CHST15: variants seen among roughly 807,000 people sequenced by gnomAD.
CHST15 encodes carbohydrate sulfotransferase 15.
Under a neutral mutation model 53.6 loss-of-function variants are expected in CHST15, and 30 were observed. That is an observed-to-expected ratio of 0.56 (90% CI 0.42 to 0.76). The LOEUF is 0.76. CHST15 is among the 30% of genes least tolerant of loss of function. The probability of loss-of-function intolerance (pLI) is 0.00; values close to 1 mark genes in which losing one functional copy is unlikely to be tolerated. For synonymous variants in CHST15, 296 were observed against 289.8 expected, an observed-to-expected ratio of 1.02 and a Z score of -0.22; for missense variants, 627 against 740.5, an observed-to-expected ratio of 0.85 and a Z score of 1.78.
At chr10:124,066,245 T>G (rs1349886392) in intron 1 of CHST15, among the ~76,000 whole-genome samples, 1 of 152,114 alleles carries the variant, frequency 6.6e-6, no homozygotes, top group African/African-American at 2.4e-5. Context: ...CTAGGAGAGC[T>G]TTGAGCGTCG....
chr10:124,025,940 G>A (rs1173141362), intron 5 of CHST15, among the ~76,000 whole-genome samples: 1 of 152,228 alleles, frequency 6.6e-6, no homozygotes, highest in Middle Eastern at 3.4e-3. Flanking sequence ...CTTGATTTAG[G>A]ACTTCTGGCC....
At chr10:124,021,029 G>T in intron 6 of CHST15, 1 of 1,430,804 alleles carries the variant, frequency 7.0e-7, no homozygotes, top group African/African-American at 1.4e-5. Context: ...GGGAGGAGGG[G>T]GAGGTGGCAG....
intron 1 of CHST15, among the ~76,000 whole-genome samples, chr10:124,068,223 G>A (rs533550589): frequency 6.6e-6 from 1 of 152,272 alleles, no homozygotes; most frequent in South Asian, 2.1e-4. Context: ...GGAGCAGAGT[G>A]GCAGTTACCA....
At chr10:124,080,669 C>T (rs552510312) in intron 1 of CHST15, among the ~76,000 whole-genome samples, 6 of 152,262 alleles carry the variant, frequency 3.9e-5, no homozygotes, top group African/African-American at 1.4e-4. Context: ...CATTGAAGGG[C>T]CAGGCTCCCC....
intron 1 of CHST15, among the ~76,000 whole-genome samples, chr10:124,052,008 C>T (rs1948218051): frequency 6.6e-6 from 1 of 152,110 alleles, no homozygotes; most frequent in African/African-American, 2.4e-5. Flanking sequence ...TTAGGTAGAA[C>T]ATTTACATTT....
At chr10:124,075,409 C>A (rs1054716335) in intron 1 of CHST15, among the ~76,000 whole-genome samples, 5 of 152,180 alleles carry the variant, frequency 3.3e-5, no homozygotes, top group Non-Finnish European at 2.9e-5. Flanking sequence ...AGTGTCACAG[C>A]CTATTCAGGC....
intron 5 of CHST15, among the ~76,000 whole-genome samples, chr10:124,029,641 T>C (rs933364349): frequency 5.3e-5 from 8 of 152,210 alleles, no homozygotes; most frequent in African/African-American, 1.9e-4. Flanking sequence ...CCAGTGACTC[T>C]CATGGCAGAT....
intron 2 of CHST15, among the ~76,000 whole-genome samples, chr10:124,045,130 A>AAAC (rs1564882203): frequency 2.7e-5 from 4 of 149,014 alleles, no homozygotes; most frequent in East Asian, 1.9e-4. Context: ...AAAAAAAAAA[A>AAAC]AAAAAAAAAA....
rs1432560046 is a variant in CHST15 at position 124,007,762 on chromosome 10, C to T, written c.*2387G>A. 18 of 1,230,942 alleles carry T rather than the reference C, an allele frequency of 1.5e-5. No individual in the cohort carries two copies. The highest frequency in any genetic ancestry group is 3.1e-5 in the African/African-American group (2 of 64,386). 76.3% of individuals were successfully genotyped at this position (1,230,942 alleles called of 1,614,324 possible). On this transcript the variant is annotated 3_prime_UTR_variant, in exon 8 of 8. Coordinates refer to ENST00000435907, the MANE Select transcript of CHST15 (RefSeq NM_001270764.2). ...TATTAATAAAAGTACAGCGTAACTG[C>T]GATTCACTTAACATACCTTACAGGA... is the stretch of plus-strand genomic sequence containing the variant.
chr10:124,057,932 G>A (rs535442619), intron 1 of CHST15, among the ~76,000 whole-genome samples: 2 of 151,356 alleles, frequency 1.3e-5, no homozygotes, highest in South Asian at 4.2e-4. Context: ...GAAGGGGCAG[G>A]GTGGACCAGA....
At chr10:124,086,189 T>C (rs1949416168) in intron 1 of CHST15, among the ~76,000 whole-genome samples, 1 of 152,248 alleles carries the variant, frequency 6.6e-6, no homozygotes, top group African/African-American at 2.4e-5. Context: ...TAAAGCCAGA[T>C]TATTTCCTAC....
chr10:124,060,056 C>G (rs1390855158), intron 1 of CHST15, among the ~76,000 whole-genome samples: 1 of 152,140 alleles, frequency 6.6e-6, no homozygotes, highest in African/African-American at 2.4e-5. Context: ...GCTCCAGTAC[C>G]AACCCAGCTT....
intron 1 of CHST15, among the ~76,000 whole-genome samples, chr10:124,048,097 T>C (rs1466154637): frequency 3.9e-5 from 6 of 152,230 alleles, no homozygotes; most frequent in Non-Finnish European, 7.3e-5. Flanking sequence ...CAAAATATGG[T>C]GGCCAAGAAA....
chr10:124,022,714 C>T (rs1026130968), intron 5 of CHST15, among the ~76,000 whole-genome samples: 2 of 151,808 alleles, frequency 1.3e-5, no homozygotes, highest in Admixed American at 6.6e-5. Flanking sequence ...AGAATCCCAT[C>T]GGGTTGGTTT....
At position 124,009,029 on chromosome 10, in the gene CHST15, G is replaced by A; in HGVS notation, c.*1120C>T. On this transcript the variant is annotated 3_prime_UTR_variant, in exon 8 of 8. Coordinates refer to ENST00000435907, the MANE Select transcript of CHST15 (RefSeq NM_001270764.2). ...GCTTGTGCATTGTGTTTTGGAATTG[G>A]GACACGAGTATCTATAGTCCCTTGC... 1 of 1,289,120 alleles carries A rather than the reference G, an allele frequency of 7.8e-7. No individual in the cohort carries two copies. The highest frequency in any genetic ancestry group is 1.0e-6 in the Non-Finnish European group (1 of 988,680). 79.9% of individuals were successfully genotyped at this position (1,289,120 alleles called of 1,614,324 possible).
At chr10:124,037,656 C>G (rs887906305) in intron 5 of CHST15, among the ~76,000 whole-genome samples, 4 of 152,224 alleles carry the variant, frequency 2.6e-5, no homozygotes, top group Non-Finnish European at 5.9e-5. Context: ...GTGCCCAGTG[C>G]CAGCCAGGCC....
chr10:124,033,526 C>T (rs1439679501), intron 5 of CHST15, among the ~76,000 whole-genome samples: 1 of 152,178 alleles, frequency 6.6e-6, no homozygotes, highest in Non-Finnish European at 1.5e-5. Context: ...CCTCATGACT[C>T]ACTTCTAACC....
intron 1 of CHST15, among the ~76,000 whole-genome samples, chr10:124,090,254 C>A (rs886678164): frequency 2.0e-5 from 3 of 152,226 alleles, no homozygotes; most frequent in Non-Finnish European, 4.4e-5. Flanking sequence ...AGAATCCTCT[C>A]GAAAATTCAC....
At chr10:124,076,508 T>C (rs1360846793) in intron 1 of CHST15, among the ~76,000 whole-genome samples, 1 of 152,112 alleles carries the variant, frequency 6.6e-6, no homozygotes, top group Non-Finnish European at 1.5e-5. Flanking sequence ...CACACCAAGG[T>C]GATTCAGCTG....
Sources: allele counts gnomAD v4.1 joint callset (sites outside exome capture counted in the v4.1 genomes callset), GRCh38; gene constraint gnomAD v4.1.1; transcripts MANE v1.5; gene names NCBI Gene and HGNC (gene_info 2026-07-23, HGNC 2026-07-21).